The following SVIL variants were observed in gnomAD, a reference collection of about 807,000 sequenced individuals.
SVIL encodes archvillin.
SVIL carries 101 observed loss-of-function variants against 240.4 expected under a neutral mutation model. The ratio of observed to expected loss-of-function variants is 0.42; its 90% confidence interval spans 0.36 to 0.50. The LOEUF (loss-of-function observed/expected upper bound fraction) is 0.50, where lower values mean the gene tolerates loss of function less well. Ranked by LOEUF, SVIL falls within the 20% of genes least tolerant of loss-of-function variation. The pLI, the probability that SVIL is intolerant of heterozygous loss-of-function variation, is 0.01. For synonymous variants in SVIL, 999 were observed against 1,100.0 expected, an observed-to-expected ratio of 0.91 and a Z score of 1.82; for missense variants, 2,512 against 2,818.7, an observed-to-expected ratio of 0.89 and a Z score of 2.46.
chr10:29,704,738 G>A (rs1962770446), intron 1 of SVIL, among the ~76,000 whole-genome samples: 1 of 151,930 alleles, frequency 6.6e-6, no homozygotes, highest in Non-Finnish European at 1.5e-5. Context: ...CCCCTCCTTG[G>A]CCATTCAGGT....
At chr10:29,471,344 G>T (rs953544839) in intron 30 of SVIL, 101 bp from the exon 31 acceptor site, 3 of 943,282 alleles carry the variant, frequency 3.2e-6, no homozygotes, top group African/African-American at 1.7e-5. Context: ...ATACCAAGAC[G>T]TACAAACAAA....
chr10:29,532,300 C>G, intron 8 of SVIL, 128 bp from the exon 9 acceptor site: 1 of 1,259,504 alleles, frequency 7.9e-7, no homozygotes, highest in Non-Finnish European at 1.1e-6. Flanking sequence ...CATGCCTCTA[C>G]CATGCACGTA....
At chr10:29,694,322 G>T (rs1961756881) in intron 1 of SVIL, among the ~76,000 whole-genome samples, 1 of 151,824 alleles carries the variant, frequency 6.6e-6, no homozygotes, top group African/African-American at 2.4e-5. Flanking sequence ...GATCACTTGA[G>T]CCCAGGAGTT....
intron 3 of SVIL, among the ~76,000 whole-genome samples, chr10:29,647,695 A>G (rs1456687884): frequency 6.6e-6 from 1 of 151,934 alleles, no homozygotes; most frequent in Non-Finnish European, 1.5e-5. Flanking sequence ...AGAAGTACAA[A>G]GGTGTATTTC....
chr10:29,692,822 T>C (rs78476530), intron 1 of SVIL, among the ~76,000 whole-genome samples: 2,309 of 152,122 alleles, frequency 0.015, 45 homozygotes, highest in East Asian at 0.095. Context: ...TGTAAAAATA[T>C]AGAAACACTA....
chr10:29,579,181 T>A (rs999212018), intron 1 of SVIL, among the ~76,000 whole-genome samples: 11 of 152,192 alleles, frequency 7.2e-5, no homozygotes, highest in African/African-American at 2.7e-4. Flanking sequence ...CTCACGCCTG[T>A]AATCCCAGCA....
At position 29,626,411 on chromosome 10, in the gene SVIL, A is replaced by G. The variant is rs533476017; in HGVS notation, c.-201+8009T>C. 5.3e-5 allele frequency among the ~76,000 whole-genome samples: 8 copies of G among 152,332 alleles called. No individual in the cohort carries two copies. The South Asian group carries it at 1.7e-3, about 32-fold the overall frequency. On this transcript the variant is annotated intron_variant, in intron 1 of 37. Coordinates refer to ENST00000355867, the MANE Select transcript of SVIL (RefSeq NM_021738.3). ...TCCCACCGCTCTTTCCCCAACACCTATACCAGTCCCTGACACACAGTAAGT... is the reference window on the plus strand; with the variant it reads ...TCCCACCGCTCTTTCCCCAACACCTGTACCAGTCCCTGACACACAGTAAGT...
At chr10:29,689,773 T>G (rs1004297061) in intron 1 of SVIL, among the ~76,000 whole-genome samples, 2 of 152,220 alleles carry the variant, frequency 1.3e-5, no homozygotes, top group Non-Finnish European at 2.9e-5. Context: ...AATCCATCAT[T>G]GTTCAAAGTC....
At chr10:29,506,736 G>A (rs549767536) in intron 17 of SVIL, among the ~76,000 whole-genome samples, 1 of 144,178 alleles carries the variant, frequency 6.9e-6, no homozygotes, top group South Asian at 2.3e-4. Context: ...CGAAGGAGGG[G>A]ACAGAGGCCC....
intron 1 of SVIL, among the ~76,000 whole-genome samples, chr10:29,633,405 G>A (rs957778083): frequency 3.9e-5 from 6 of 152,018 alleles, no homozygotes; most frequent in African/African-American, 1.4e-4. Flanking sequence ...AATGCTGTAT[G>A]GGACTGTCCC....
At chr10:29,703,568 G>A (rs1962675065) in intron 1 of SVIL, among the ~76,000 whole-genome samples, 1 of 152,208 alleles carries the variant, frequency 6.6e-6, no homozygotes, top group African/African-American at 2.4e-5. Flanking sequence ...CGGGGGCTCC[G>A]ACAAAGGGCC....
intron 1 of SVIL, among the ~76,000 whole-genome samples, chr10:29,632,710 A>T (rs1402199802): frequency 6.6e-6 from 1 of 152,198 alleles, no homozygotes; most frequent in African/African-American, 2.4e-5. Flanking sequence ...TTGGAAGACT[A>T]TGCATGTGGC....
intron 1 of SVIL, among the ~76,000 whole-genome samples, chr10:29,615,475 T>A (rs985419859): frequency 1.3e-5 from 2 of 152,228 alleles, no homozygotes; most frequent in Non-Finnish European, 2.9e-5. Flanking sequence ...TGTTAAAAGC[T>A]AAAGCTGGTT....
In SVIL at chr10:29,512,827, A is replaced by G. The variant is rs779875578; in HGVS notation, c.3424T>C (p.Trp1142Arg). 3.7e-6 allele frequency: 6 copies of G among 1,612,026 alleles called. No homozygotes were observed. In the African/African-American group the frequency reaches 6.7e-5, roughly 18 times the overall value. The change falls in exon 17 of 38, where the codon TGG (tryptophan) becomes CGG (arginine). Residue 1142 changes from tryptophan to arginine, a missense_variant. Around this residue, in one of 3 missense-constraint regions of SVIL, gnomAD observed 1,443 missense variants for 1,486.6 expected, o/e 0.97. Coordinates refer to ENST00000355867, the MANE Select transcript of SVIL (RefSeq NM_021738.3). ...TGCCTCCTGCTGAGTCTGTTTCTCC[A>G]ATCTTCCTCCCCGCTTTTCTTCAAC... is the stretch of plus-strand genomic sequence containing the variant. ...ALLKKSGEED[W>R]RNRLSRRQEG...
intron 29 of SVIL, among the ~76,000 whole-genome samples, chr10:29,477,213 T>TA (rs1295424738): frequency 1.3e-5 from 2 of 152,250 alleles, no homozygotes; most frequent in African/African-American, 4.8e-5. Context: ...AGTGTGGACA[T>TA]GTTACGCCAC....
At chr10:29,713,043 G>A (rs1463531632) in intron 1 of SVIL, among the ~76,000 whole-genome samples, 1 of 152,076 alleles carries the variant, frequency 6.6e-6, no homozygotes, top group African/African-American at 2.4e-5. Context: ...GCTGGGTGTG[G>A]TGGCGGGCAC....
intron 2 of SVIL, among the ~76,000 whole-genome samples, chr10:29,658,797 A>G (rs1311812274): frequency 6.6e-6 from 1 of 152,176 alleles, no homozygotes; most frequent in Non-Finnish European, 1.5e-5. Context: ...AGGCTTGGGA[A>G]CAGCAGCCTT....
At chr10:29,733,516 G>A (rs1472865565) in intron 1 of SVIL, among the ~76,000 whole-genome samples, 1 of 152,104 alleles carries the variant, frequency 6.6e-6, no homozygotes, top group African/African-American at 2.4e-5. Context: ...TGTTGTCCAG[G>A]CTGGTCTCAA....
chr10:29,695,504 G>A (rs764191394), intron 1 of SVIL, among the ~76,000 whole-genome samples: 3 of 152,034 alleles, frequency 2.0e-5, no homozygotes, highest in Non-Finnish European at 4.4e-5. Flanking sequence ...CCAGCACTTT[G>A]GGAGGTCAAG....
Sources: allele counts gnomAD v4.1 joint callset (sites outside exome capture counted in the v4.1 genomes callset), GRCh38; gene constraint gnomAD v4.1.1; regional missense constraint gnomAD v4.1.1; transcripts MANE v1.5; gene names NCBI Gene and HGNC (gene_info 2026-07-23, HGNC 2026-07-21).